Variants in NREP observed in about 807,000 individuals in gnomAD.
NREP encodes the protein neuronal regeneration-related protein.
Under a neutral mutation model 8.6 loss-of-function variants are expected in NREP, and 5 were observed. The observed-to-expected ratio is 0.58, with a 90% CI of 0.30 to 1.22. NREP has a LOEUF of 1.22. Ranked by LOEUF, NREP falls within the 50% of genes most tolerant of loss-of-function variation. NREP has a pLI of 0.07. For synonymous variants in NREP, 27 were observed against 28.0 expected, an observed-to-expected ratio of 0.96 and a Z score of 0.11; for missense variants, 86 against 82.5, an observed-to-expected ratio of 1.04 and a Z score of -0.17.
intron 2 of NREP, among the ~76,000 whole-genome samples, chr5:111,823,039 G>A (rs949221560): frequency 2.6e-5 from 4 of 152,204 alleles, no homozygotes; most frequent in Admixed American, 6.5e-5. Flanking sequence ...TTTGAGATTG[G>A]GCATCTGCAT....
At chr5:111,907,823 G>A (rs768355600) in intron 2 of NREP, among the ~76,000 whole-genome samples, 3 of 151,942 alleles carry the variant, frequency 2.0e-5, no homozygotes, top group Admixed American at 6.6e-5. Flanking sequence ...CATGGTGGAT[G>A]AAGTGTTCCT....
intron 1 of NREP, chr5:111,756,102 G>T: frequency 1.8e-6 from 2 of 1,132,152 alleles, no homozygotes; most frequent in Non-Finnish European, 2.2e-6. Flanking sequence ...GAGTTCAAAA[G>T]GTTTAGCAAC....
At chr5:111,961,660 C>T (rs960516756) in intron 2 of NREP, among the ~76,000 whole-genome samples, 13 of 151,972 alleles carry the variant, frequency 8.6e-5, no homozygotes, top group Non-Finnish European at 7.4e-5. Flanking sequence ...TTCAAGTGAC[C>T]CTATAGTTCC....
intron 2 of NREP, among the ~76,000 whole-genome samples, chr5:111,795,114 C>T (rs1242559588): frequency 2.0e-5 from 3 of 151,918 alleles, no homozygotes; most frequent in Non-Finnish European, 2.9e-5. Flanking sequence ...ATGACTTATA[C>T]GAAGGGACAT....
chr5:111,746,109 A>T (rs1749985690), intron 2 of NREP, among the ~76,000 whole-genome samples: 1 of 152,158 alleles, frequency 6.6e-6, no homozygotes. Flanking sequence ...ATTCACAATG[A>T]TTATCAGATG....
At chr5:111,910,274 T>G (rs1307642071) in intron 2 of NREP, among the ~76,000 whole-genome samples, 1 of 151,966 alleles carries the variant, frequency 6.6e-6, no homozygotes, top group African/African-American at 2.4e-5. Context: ...CGTGGAAGCA[T>G]TTACAATTTT....
At chr5:111,798,157 G>A (rs1465638291) in intron 2 of NREP, among the ~76,000 whole-genome samples, 1 of 151,986 alleles carries the variant, frequency 6.6e-6, no homozygotes, top group East Asian at 1.9e-4. Context: ...CTTATTTTTA[G>A]CAAAGCTGAA....
At chr5:111,763,057 G>C (rs1343235480) in intron 2 of NREP, among the ~76,000 whole-genome samples, 6 of 152,170 alleles carry the variant, frequency 3.9e-5, no homozygotes, top group Non-Finnish European at 5.9e-5. Context: ...TAAGGGAAAG[G>C]AAACCGATTT....
At chr5:111,968,884 G>A (rs1400330847) in intron 2 of NREP, among the ~76,000 whole-genome samples, 1 of 152,196 alleles carries the variant, frequency 6.6e-6, no homozygotes, top group Admixed American at 6.5e-5. Flanking sequence ...TGGTTTTCAA[G>A]GCCCTTCACA....
chr5:111,959,697 T>C (rs946771636), intron 2 of NREP, among the ~76,000 whole-genome samples: 2 of 152,044 alleles, frequency 1.3e-5, no homozygotes, highest in African/African-American at 2.4e-5. Context: ...TATTTGTATA[T>C]AAAGACATTG....
chr5:111,815,339 A>C (rs986197619), intron 2 of NREP, among the ~76,000 whole-genome samples: 2 of 152,182 alleles, frequency 1.3e-5, no homozygotes, highest in Admixed American at 1.3e-4. Flanking sequence ...ATTGGATTGA[A>C]ATGATCCTCT....
chr5:111,928,369 A>G (rs1755447337), intron 2 of NREP, among the ~76,000 whole-genome samples: 1 of 152,104 alleles, frequency 6.6e-6, no homozygotes, highest in Admixed American at 6.6e-5. Context: ...CTTTCCTTAT[A>G]AGGAAAATGA....
At chr5:111,811,388 G>A (rs1044963960) in intron 2 of NREP, among the ~76,000 whole-genome samples, 6 of 152,164 alleles carry the variant, frequency 3.9e-5, no homozygotes, top group Admixed American at 1.3e-4. Flanking sequence ...GCTGTCACTC[G>A]TATTCCCGTA....
intron 2 of NREP, among the ~76,000 whole-genome samples, chr5:111,935,323 A>G (rs1243198474): frequency 2.6e-5 from 4 of 152,110 alleles, no homozygotes; most frequent in Admixed American, 1.3e-4. Context: ...AACTTACCCC[A>G]GCACGGCTTG....
chr5:111,746,525 T>C (rs938473524), intron 2 of NREP, among the ~76,000 whole-genome samples: 14 of 152,148 alleles, frequency 9.2e-5, no homozygotes, highest in African/African-American at 3.4e-4. Context: ...CTCAGAGATA[T>C]GGACAGAATT....
chr5:111,875,547 C>A (rs976028958), intron 2 of NREP, among the ~76,000 whole-genome samples: 1 of 152,144 alleles, frequency 6.6e-6, no homozygotes, highest in Non-Finnish European at 1.5e-5. Context: ...ATTTCTTAGA[C>A]CACCAGAAGT....
At chr5:111,855,310 T>C (rs980622846) in intron 2 of NREP, among the ~76,000 whole-genome samples, 2 of 152,192 alleles carry the variant, frequency 1.3e-5, no homozygotes, top group African/African-American at 4.8e-5. Flanking sequence ...ATATATAAAA[T>C]AGAAATAAAA....
intron 2 of NREP, among the ~76,000 whole-genome samples, chr5:111,922,894 G>T (rs913747684): frequency 6.6e-6 from 1 of 152,170 alleles, no homozygotes; most frequent in Non-Finnish European, 1.5e-5. Flanking sequence ...CTTCAAGGGT[G>T]TTGGCACTCT....
intron 2 of NREP, among the ~76,000 whole-genome samples, chr5:111,916,564 C>T (rs971340173): frequency 1.4e-4 from 21 of 152,074 alleles, no homozygotes; most frequent in African/African-American, 4.8e-4. Context: ...GAGCCATGGG[C>T]CTTTGCGTGG....
Sources: gnomAD v4.1 joint callset for allele counts (sites outside exome capture counted in the v4.1 genomes callset) on GRCh38, gnomAD v4.1.1 for gene constraint, MANE v1.5 for transcripts, NCBI Gene and HGNC (gene_info 2026-07-23, HGNC 2026-07-21) for gene names.